GATAD2B: variants seen among roughly 807,000 people sequenced by gnomAD.
The protein encoded by GATAD2B is GATA zinc finger domain containing 2B.
GATAD2B carries 8 observed loss-of-function variants against 64.3 expected under a neutral mutation model. The ratio of observed to expected loss-of-function variants is 0.12; its 90% CI spans 0.07 to 0.22. The LOEUF (loss-of-function observed/expected upper bound fraction) is 0.22. GATAD2B is among the 10% of genes least tolerant of loss of function. GATAD2B has a pLI of 1.00. For missense variants in GATAD2B, 453 were observed against 752.0 expected (o/e 0.60, Z 4.65); for synonymous variants, 281 against 271.3 (o/e 1.04, Z -0.35).
At chr1:153,905,238 G>A (rs1224773430) in intron 1 of GATAD2B, among the ~76,000 whole-genome samples, 1 of 152,034 alleles carries the variant, frequency 6.6e-6, no homozygotes, top group Non-Finnish European at 1.5e-5. Context: ...AGCCGGGCGT[G>A]GTGGCAGGCG....
intron 2 of GATAD2B, among the ~76,000 whole-genome samples, chr1:153,822,112 T>C (rs1295475587): frequency 6.6e-6 from 1 of 151,246 alleles, no homozygotes; most frequent in African/African-American, 2.4e-5. Context: ...ACCTGGGAGG[T>C]GGAGGTTGCA....
At chr1:153,868,271 T>G (rs1031413749) in intron 1 of GATAD2B, among the ~76,000 whole-genome samples, 1 of 152,108 alleles carries the variant, frequency 6.6e-6, no homozygotes, top group East Asian at 1.9e-4. Flanking sequence ...AATAAACCCA[T>G]TCCATGTTAA....
At chr1:153,852,439 T>C (rs967288908) in intron 1 of GATAD2B, 1 of 763,388 alleles carries the variant, frequency 1.3e-6, no homozygotes, top group African/African-American at 1.7e-5. Flanking sequence ...CCGTGGCATG[T>C]GGTCTGGAGC....
At chr1:153,835,733 A>T (rs867044590) in intron 1 of GATAD2B, among the ~76,000 whole-genome samples, 34 of 152,056 alleles carry the variant, frequency 2.2e-4, no homozygotes, top group African/African-American at 5.1e-4. Context: ...TATTATTATT[A>T]TTTTTTTGAG....
chr1:153,839,985 T>C (rs1675417993), intron 1 of GATAD2B, among the ~76,000 whole-genome samples: 1 of 151,722 alleles, frequency 6.6e-6, no homozygotes, highest in Non-Finnish European at 1.5e-5. Context: ...AACAAAAAGC[T>C]GTTTTGGTTT....
At chr1:153,906,136 G>A (rs945706842) in intron 1 of GATAD2B, among the ~76,000 whole-genome samples, 10 of 151,146 alleles carry the variant, frequency 6.6e-5, no homozygotes, top group African/African-American at 2.4e-4. Flanking sequence ...GGGGCCAGGC[G>A]TGGTGGCTCA....
At chr1:153,906,513 T>TA (rs1358722464) in intron 1 of GATAD2B, among the ~76,000 whole-genome samples, 4 of 151,668 alleles carry the variant, frequency 2.6e-5, no homozygotes, top group Non-Finnish European at 4.4e-5. Flanking sequence ...AAAGTAAATT[T>TA]AAAAAAATGA....
intron 1 of GATAD2B, among the ~76,000 whole-genome samples, chr1:153,855,685 T>A (rs67579382): frequency 0.12 from 18,410 of 150,936 alleles, 1,618 homozygotes; most frequent in East Asian, 0.51. Flanking sequence ...TTTTATATAT[T>A]TTTTTTTTAC....
At chr1:153,835,254 G>C (rs184539657) in intron 1 of GATAD2B, among the ~76,000 whole-genome samples, 123 of 152,240 alleles carry the variant, frequency 8.1e-4, no homozygotes, top group Admixed American at 7.3e-3. Flanking sequence ...AGAAGATTTA[G>C]AATATTCCAT....
intron 1 of GATAD2B, among the ~76,000 whole-genome samples, chr1:153,902,392 G>T (rs1196001215): frequency 6.6e-6 from 1 of 152,122 alleles, no homozygotes; most frequent in East Asian, 1.9e-4. Context: ...CTACTTAAGG[G>T]GTACTTGTTC....
chr1:153,810,008 C>A lies in GATAD2B; in HGVS notation c.*169G>T, dbSNP rs913052934. ...GTGAAATAAAGGGGAGGTGGCAGGGCAGGGCGTGTGTTTTCTTGCTGATCT... is the reference window on the plus strand; with the variant it reads ...GTGAAATAAAGGGGAGGTGGCAGGGAAGGGCGTGTGTTTTCTTGCTGATCT... On this transcript the variant is annotated 3_prime_UTR_variant, in exon 11 of 11. Transcript: ENST00000368655. The A allele has an allele frequency of 3.3e-5, 20 of 615,252 alleles. No individual in the cohort carries two copies. The highest frequency in any genetic ancestry group is 5.4e-5 in the Non-Finnish European group (19 of 352,704). 38.1% of individuals were successfully genotyped at this position (615,252 alleles called of 1,614,324 possible). A position where few individuals can be genotyped will look rare whatever the true frequency, so the allele number is the denominator to read the frequency against.
At chr1:153,889,194 C>G (rs570200348) in intron 1 of GATAD2B, among the ~76,000 whole-genome samples, 1 of 151,970 alleles carries the variant, frequency 6.6e-6, no homozygotes, top group Admixed American at 6.6e-5. Context: ...TGGTGGCTCA[C>G]CTGAGGTCGG....
chr1:153,884,421 C>T (rs1225776006), intron 1 of GATAD2B, among the ~76,000 whole-genome samples: 2 of 148,432 alleles, frequency 1.3e-5, no homozygotes, highest in Admixed American at 1.3e-4. Context: ...CCAGCCTGGG[C>T]GACAGAGCGA....
intron 1 of GATAD2B, among the ~76,000 whole-genome samples, chr1:153,918,751 G>A (rs542557704): frequency 9.9e-5 from 15 of 152,172 alleles, no homozygotes; most frequent in Middle Eastern, 6.8e-3. Flanking sequence ...TCAGGAGTTC[G>A]AGACCAGCCT....
chr1:153,855,154 A>G (rs186577856), intron 1 of GATAD2B, among the ~76,000 whole-genome samples: 2 of 152,244 alleles, frequency 1.3e-5, no homozygotes, highest in Admixed American at 6.5e-5. Flanking sequence ...GTTGGTTATA[A>G]TGGTATTGTG....
intron 2 of GATAD2B, among the ~76,000 whole-genome samples, chr1:153,822,423 A>G (rs750870923): frequency 2.6e-5 from 4 of 152,226 alleles, no homozygotes; most frequent in African/African-American, 4.8e-5. Context: ...TCAGGAAGTT[A>G]TATCTGAGAA....
chr1:153,813,815 A>G (rs1205958813), intron 7 of GATAD2B, among the ~76,000 whole-genome samples: 2 of 152,190 alleles, frequency 1.3e-5, no homozygotes, highest in Non-Finnish European at 2.9e-5. Flanking sequence ...GTCTTTACTA[A>G]AAATACAAAA....
intron 1 of GATAD2B, among the ~76,000 whole-genome samples, chr1:153,879,370 C>T (rs1294144043): frequency 6.6e-6 from 1 of 152,128 alleles, no homozygotes; most frequent in Admixed American, 6.5e-5. Flanking sequence ...CCACCGCTCT[C>T]GGCCCCATAC....
Position 153,818,813 on chromosome 1 carries a change from T to C in GATAD2B, c.575A>G (p.Gln192Arg). ...LLKKLRQSQL[Q>R]KENVVQKTPV... Reference sequence around the variant, plus strand: ...TACCTTCTGGACCACATTCTCTTTCTGTAGCTGACTCTGTCTCAGTTTCTT... The same window carrying C: ...TACCTTCTGGACCACATTCTCTTTCCGTAGCTGACTCTGTCTCAGTTTCTT... The change falls in exon 4 of 11, where the codon CAG becomes CGG. Residue 192 changes from glutamine to arginine, a missense_variant. Coordinates refer to ENST00000368655, the MANE Select transcript of GATAD2B (RefSeq NM_020699.4). 1 of 1,613,788 alleles carries C rather than the reference T, an allele frequency of 6.2e-7. No individual in the cohort carries two copies. Among genetic ancestry groups the C allele is most frequent in the Non-Finnish European group, 8.5e-7 (1 of 1,179,982 alleles).
Sources: gnomAD v4.1 joint callset for allele counts (sites outside exome capture counted in the v4.1 genomes callset) on GRCh38, gnomAD v4.1.1 for gene constraint, MANE v1.5 for transcripts, NCBI Gene and HGNC (gene_info 2026-07-23, HGNC 2026-07-21) for gene names.